Variants in HBP1 observed in about 807,000 individuals in gnomAD.
The protein encoded by HBP1 is HMG-box transcription factor 1.
In HBP1, 20 loss-of-function variants were observed where a neutral mutation model predicts 62.6. That is an observed-to-expected ratio of 0.32 (90% CI 0.22 to 0.46). HBP1 has a LOEUF of 0.46. HBP1 is among the 20% of genes least tolerant of loss of function. HBP1 has a pLI of 1.00. For missense variants in HBP1, 480 were observed against 611.8 expected (o/e 0.78, Z 2.27); for synonymous variants, 232 against 206.2 (o/e 1.12, Z -1.07).
intron 1 of HBP1, among the ~76,000 whole-genome samples, chr7:107,177,902 C>T (rs1247734951): frequency 6.6e-6 from 1 of 151,504 alleles, no homozygotes; most frequent in Admixed American, 6.6e-5. Flanking sequence ...ATTTTCTAGT[C>T]AGGAATACAT....
At position 107,171,685 on chromosome 7, in the gene HBP1, G is replaced by A. The variant is rs551747866; in HGVS notation, c.-16+2500G>A. 1.4e-4 allele frequency among the ~76,000 whole-genome samples: 21 copies of A among 151,916 alleles called. No individual in the cohort carries two copies. The East Asian group carries it at 4.1e-3, about 30-fold the overall frequency. ...TCAAGACCAGCCTCGCCAACGTCGT[G>A]AAATTGTCTATTAAAAATACAACAG... On this transcript the variant is annotated intron_variant, in intron 1 of 10. Transcript: ENST00000222574.
intron 1 of HBP1, 87 bp downstream of exon 1, chr7:107,169,272 G>C: frequency 1.4e-6 from 1 of 709,818 alleles, no homozygotes; most frequent in Non-Finnish European, 1.8e-6. Flanking sequence ...GAGGGCTCGG[G>C]TCCTCGTTCC....
intron 8 of HBP1, among the ~76,000 whole-genome samples, chr7:107,195,465 T>C (rs1797850266): frequency 6.6e-6 from 1 of 152,224 alleles, no homozygotes; most frequent in Admixed American, 6.5e-5. Flanking sequence ...AGAAACCATA[T>C]TGTCACATTT....
intron 8 of HBP1, among the ~76,000 whole-genome samples, chr7:107,195,459 AC>A (rs1344567378): frequency 1.3e-5 from 2 of 152,218 alleles, no homozygotes; most frequent in South Asian, 4.1e-4. Flanking sequence ...AGGCCAAGAA[AC>A]CATATTGTCA....
At chr7:107,182,341 CT>C in intron 2 of HBP1, 31 bp from the exon 3 acceptor site, 2 of 1,228,898 alleles carry the variant, frequency 1.6e-6, no homozygotes, top group Non-Finnish European at 2.4e-6. Context: ...TAGTAATTTC[CT>C]TTTTATGATT....
chr7:107,195,782 T>A, intron 8 of HBP1, 52 bp from the exon 9 acceptor site: 4 of 801,006 alleles, frequency 5.0e-6, no homozygotes, highest in Non-Finnish European at 7.1e-6. Context: ...TTTTTAGAAA[T>A]CAGAGAATTC....
At chr7:107,186,710 CAA>C (rs1156918894) in intron 6 of HBP1, 29 bp downstream of exon 6, 1 of 1,259,100 alleles carries the variant, frequency 7.9e-7, no homozygotes, top group Non-Finnish European at 1.2e-6. Flanking sequence ...AAAAATTTTT[CAA>C]AATCTTTCCA....
At chr7:107,169,639 C>T in intron 1 of HBP1, 1 of 633,370 alleles carries the variant, frequency 1.6e-6, no homozygotes, top group Non-Finnish European at 2.0e-6. Context: ...AGTGAGGCGC[C>T]GCCTCCTTCT....
At chr7:107,193,497 GTTTA>G (rs1161570066) in intron 8 of HBP1, among the ~76,000 whole-genome samples, 2 of 152,076 alleles carry the variant, frequency 1.3e-5, no homozygotes, top group Non-Finnish European at 2.9e-5. Context: ...TGTGTCTTAT[GTTTA>G]TTGTTCTTTT....
chr7:107,200,055 T>C (rs1201989383), intron 9 of HBP1, 105 bp from the exon 10 acceptor site: 1 of 889,490 alleles, frequency 1.1e-6, no homozygotes, highest in African/African-American at 1.7e-5. Context: ...TAGACAAGAT[T>C]TTCATCTTTT....
intron 1 of HBP1, 26 bp downstream of exon 1, chr7:107,169,211 AGGTGGG>A: frequency 4.2e-4 from 18 of 42,904 alleles, no homozygotes; most frequent in Non-Finnish European, 4.7e-4. Context: ...GTTAGGGAAG[AGGTGGG>A]GGTGGGGAAG....
rs559197401 is a variant in HBP1 at position 107,169,953 on chromosome 7, C to T, written c.-16+768C>T. ...TCCGCCTTTCAACCTATGCTGCCAC[C>T]GCAGGCCGATTGAAACAAAACAAAA... is the stretch of plus-strand genomic sequence containing the variant. On this transcript the variant is annotated intron_variant, in intron 1 of 10. Coordinates refer to ENST00000222574, the MANE Select transcript of HBP1 (RefSeq NM_012257.4). 1.6e-5 allele frequency: 16 copies of T among 985,516 alleles called. No individual in the cohort carries two copies. The East Asian group carries it at 3.4e-4, about 21-fold the overall frequency. 61.0% of individuals were successfully genotyped at this position (985,516 alleles called of 1,614,324 possible). A position where few individuals can be genotyped will look rare whatever the true frequency, so the allele number is the denominator to read the frequency against.
intron 1 of HBP1, among the ~76,000 whole-genome samples, chr7:107,171,383 C>G (rs1796588769): frequency 6.6e-6 from 1 of 151,746 alleles, no homozygotes. Context: ...TATATTTTAA[C>G]TTCTTTGGAT....
In HBP1 at chr7:107,182,329, A is replaced by G. The variant is rs199606639; in HGVS notation, c.170-44A>G. On this transcript the variant is annotated intron_variant, in intron 2 of 10. Coordinates refer to ENST00000222574, the MANE Select transcript of HBP1 (RefSeq NM_012257.4). ...CTGCAGTTATAATATTGTTCCTTGT[A>G]TTAGTAATTTCCTTTTTATGATTTT... The G allele has an allele frequency of 1.7e-4, 177 of 1,029,978 alleles. No homozygotes were observed. In the African/African-American group the frequency reaches 2.3e-3, roughly 13 times the overall value. The allele number at this position is 1,029,978 out of a possible 1,614,324, so 63.8% of individuals were successfully genotyped here. A position where few individuals can be genotyped will look rare whatever the true frequency, so the allele number is the denominator to read the frequency against.
Position 107,195,743 on chromosome 7 carries a change from A to T in HBP1, c.1068-91A>T, listed in dbSNP as rs1452928786. The T allele has an allele frequency of 7.2e-5, 45 of 622,338 alleles. No homozygotes were observed. The East Asian group carries it at 1.4e-3, about 19-fold the overall frequency. 38.6% of individuals were successfully genotyped at this position (622,338 alleles called of 1,614,324 possible). A position where few individuals can be genotyped will look rare whatever the true frequency, so the allele number is the denominator to read the frequency against. Reference sequence around the variant, plus strand: ...GAAATGCACTGAAATTTCCAATCAGATGTTTTCTTTTTTTTTTTTTTAACC... The same window carrying T: ...GAAATGCACTGAAATTTCCAATCAGTTGTTTTCTTTTTTTTTTTTTTAACC... On this transcript the variant is annotated intron_variant, in intron 8 of 10. Transcript: ENST00000222574.
chr7:107,195,713 AG>A (rs1438382504), intron 8 of HBP1, 120 bp from the exon 9 acceptor site: 5 of 483,346 alleles, frequency 1.0e-5, no homozygotes, highest in Non-Finnish European at 1.7e-5. Flanking sequence ...AACATGATAT[AG>A]GGGGAAATGC....
At chr7:107,196,684 T>TAAAGG in intron 9 of HBP1, 1 of 173,486 alleles carries the variant, frequency 5.8e-6, no homozygotes, top group Non-Finnish European at 1.3e-5. Flanking sequence ...CTTTTATTAT[T>TAAAGG]TGTGCCATAG....
intron 4 of HBP1, 82 bp downstream of exon 4, chr7:107,186,024 T>A: frequency 1.9e-6 from 2 of 1,033,524 alleles, no homozygotes; most frequent in East Asian, 4.9e-5. Context: ...GGAAGTAGTC[T>A]CACTGTTCTG....
At chr7:107,199,150 A>G (rs983481100) in intron 9 of HBP1, among the ~76,000 whole-genome samples, 1 of 152,032 alleles carries the variant, frequency 6.6e-6, no homozygotes, top group African/African-American at 2.4e-5. Flanking sequence ...CAGTGGCGGG[A>G]TATCGGCTCA....
Sources: allele counts gnomAD v4.1 joint callset (sites outside exome capture counted in the v4.1 genomes callset), GRCh38; gene constraint gnomAD v4.1.1; transcripts MANE v1.5; gene names NCBI Gene and HGNC (gene_info 2026-07-23, HGNC 2026-07-21).